ADAMTS17: variants seen among roughly 807,000 people sequenced by gnomAD.
The protein encoded by ADAMTS17 is ADAM metallopeptidase with thrombospondin type 1 motif 17.
A neutral mutation model predicts 141.5 loss-of-function variants in ADAMTS17; 113 were observed. That is an observed-to-expected ratio of 0.80 (90% confidence interval 0.69 to 0.93). ADAMTS17 has a LOEUF of 0.93. ADAMTS17 is among the 40% of genes least tolerant of loss of function. ADAMTS17 has a pLI of 0.00. For missense variants in ADAMTS17, 1,659 were observed against 1,517.9 expected (o/e 1.09, Z -1.54); for synonymous variants, 768 against 630.6 (o/e 1.22, Z -3.27).
At chr15:100,061,225 A>G (rs1479413255) in intron 15 of ADAMTS17, among the ~76,000 whole-genome samples, 2 of 152,246 alleles carry the variant, frequency 1.3e-5, no homozygotes, top group East Asian at 3.8e-4. Flanking sequence ...ATGATTGGAC[A>G]GAGTAATTCT....
At chr15:100,003,200 A>G (rs1304064248) in intron 18 of ADAMTS17, among the ~76,000 whole-genome samples, 1 of 152,062 alleles carries the variant, frequency 6.6e-6, no homozygotes, top group Non-Finnish European at 1.5e-5. Flanking sequence ...TGGGTCCCAC[A>G]CCAGGCAGCT....
intron 15 of ADAMTS17, among the ~76,000 whole-genome samples, chr15:100,064,109 G>T (rs2033340450): frequency 7.0e-6 from 1 of 143,208 alleles, no homozygotes; most frequent in Non-Finnish European, 1.5e-5. Context: ...AATGACTGAT[G>T]TCCTTATAAA....
chr15:100,060,172 T>G (rs952247055), intron 15 of ADAMTS17, among the ~76,000 whole-genome samples: 1 of 152,248 alleles, frequency 6.6e-6, no homozygotes, highest in Admixed American at 6.5e-5. Context: ...AGATTTTCCC[T>G]TGCTCATTTC....
rs2039382203 is a variant in ADAMTS17 at position 100,155,331 on chromosome 15, A to C, written c.1182-11T>G. 6.2e-7 allele frequency: 1 copy of C among 1,611,900 alleles called. No individual in the cohort carries two copies. Among genetic ancestry groups the C allele is most frequent in the Admixed American group, 1.7e-5 (1 of 59,672 alleles). On this transcript the variant is annotated splice_polypyrimidine_tract_variant and intron_variant, in intron 8 of 21. Coordinates refer to ENST00000268070, the MANE Select transcript of ADAMTS17 (RefSeq NM_139057.4). The stretch of plus-strand genomic sequence containing the variant: ...TGGTTCATGCCCAAGCTGTCCAAGA[A>C]GGAGGAGAGAGGGATGCTTATGCTA...
At chr15:99,986,039 C>A (rs570516571) in intron 20 of ADAMTS17, among the ~76,000 whole-genome samples, 23 of 152,368 alleles carry the variant, frequency 1.5e-4, no homozygotes, top group Non-Finnish European at 2.8e-4. Flanking sequence ...CTTGTACCAC[C>A]AGCACAGGGT....
At chr15:100,080,916 A>T (rs2034690281) in intron 15 of ADAMTS17, among the ~76,000 whole-genome samples, 1 of 152,150 alleles carries the variant, frequency 6.6e-6, no homozygotes, top group Non-Finnish European at 1.5e-5. Context: ...TTATTTGAAG[A>T]CTATGTGTGT....
chr15:99,986,159 C>A (rs1363471240), intron 20 of ADAMTS17, among the ~76,000 whole-genome samples: 1 of 152,122 alleles, frequency 6.6e-6, no homozygotes, highest in African/African-American at 2.4e-5. Context: ...CAGGGTGGGG[C>A]AGGGGGGTTC....
chr15:100,039,319 T>C (rs2031039224), intron 18 of ADAMTS17, among the ~76,000 whole-genome samples: 1 of 152,194 alleles, frequency 6.6e-6, no homozygotes, highest in Non-Finnish European at 1.5e-5. Context: ...CCAGTATCAT[T>C]ACATGGAAGG....
intron 2 of ADAMTS17, among the ~76,000 whole-genome samples, chr15:100,334,292 T>C (rs534608127): frequency 2.0e-5 from 3 of 152,330 alleles, no homozygotes; most frequent in Admixed American, 2.0e-4. Context: ...GTCTGTCCTG[T>C]GTGCTTCAAA....
intron 7 of ADAMTS17, among the ~76,000 whole-genome samples, chr15:100,234,597 C>G (rs189291910): frequency 3.5e-4 from 53 of 152,376 alleles, no homozygotes; most frequent in African/African-American, 1.2e-3. Flanking sequence ...CAACACGTGA[C>G]TGTCTTATTG....
At chr15:100,207,960 AG>A (rs1388465242) in intron 7 of ADAMTS17, among the ~76,000 whole-genome samples, 1 of 152,216 alleles carries the variant, frequency 6.6e-6, no homozygotes, top group African/African-American at 2.4e-5. Context: ...GGGAGGAGTC[AG>A]TTTTAAAAGA....
At chr15:100,049,821 C>T (rs1024893722) in intron 17 of ADAMTS17, among the ~76,000 whole-genome samples, 2 of 152,212 alleles carry the variant, frequency 1.3e-5, no homozygotes, top group Admixed American at 1.3e-4. Context: ...GTCTCAGTTT[C>T]CTCAAGCAGC....
At chr15:100,136,211 A>G (rs930313035) in intron 10 of ADAMTS17, among the ~76,000 whole-genome samples, 2 of 152,250 alleles carry the variant, frequency 1.3e-5, no homozygotes, top group African/African-American at 4.8e-5. Flanking sequence ...ATGCTGGTAT[A>G]TTAGAACAAT....
In ADAMTS17 at chr15:100,119,679, G is replaced by A. The variant is rs141182211; in HGVS notation, c.1722-2666C>T. On this transcript the variant is annotated intron_variant, in intron 12 of 21. Coordinates refer to ENST00000268070, the MANE Select transcript of ADAMTS17 (RefSeq NM_139057.4). The stretch of plus-strand genomic sequence containing the variant: ...AAGAGAACTGGATCCAGAAGCAAGT[G>A]GGTCTGGAGGCGGAGCACATGGGAT... Among the ~76,000 whole-genome samples, 403 of 152,336 alleles carry A rather than the reference G, an allele frequency of 2.6e-3. 2 individuals are homozygous for A. The highest frequency in any genetic ancestry group is 9.1e-3 in the African/African-American group (378 of 41,572).
intron 8 of ADAMTS17, among the ~76,000 whole-genome samples, chr15:100,169,253 C>G (rs1384133494): frequency 1.3e-5 from 2 of 151,900 alleles, no homozygotes; most frequent in Admixed American, 6.6e-5. Context: ...AGGTATGACG[C>G]TAAGCACTTG....
At chr15:100,100,490 G>A (rs1355642262) in intron 14 of ADAMTS17, among the ~76,000 whole-genome samples, 1 of 152,106 alleles carries the variant, frequency 6.6e-6, no homozygotes, top group Non-Finnish European at 1.5e-5. Flanking sequence ...AAAGCTGCCT[G>A]ACCTCTTAAT....
At chr15:100,132,498 G>A (rs973491605) in intron 11 of ADAMTS17, among the ~76,000 whole-genome samples, 6 of 152,168 alleles carry the variant, frequency 3.9e-5, no homozygotes, top group Non-Finnish European at 8.8e-5. Flanking sequence ...GCTGGGAGGC[G>A]GCATGCCCCG....
intron 10 of ADAMTS17, among the ~76,000 whole-genome samples, chr15:100,140,510 C>CATATATATATATATATATATATAT (rs1380147908): frequency 1.3e-5 from 1 of 75,176 alleles, no homozygotes; most frequent in Non-Finnish European, 3.3e-5. Context: ...TATATATATC[C>CATATATATATATATATATATATAT]AGTAAAGACG....
intron 14 of ADAMTS17, among the ~76,000 whole-genome samples, chr15:100,105,183 G>C (rs1471327114): frequency 2.6e-5 from 4 of 152,212 alleles, no homozygotes; most frequent in African/African-American, 9.7e-5. Flanking sequence ...GGTCTGCCTG[G>C]AGGCAGCGGG....
Sources: allele counts gnomAD v4.1 joint callset (sites outside exome capture counted in the v4.1 genomes callset), GRCh38; gene constraint gnomAD v4.1.1; transcripts MANE v1.5; gene names NCBI Gene and HGNC (gene_info 2026-07-23, HGNC 2026-07-21).